The following JAKMIP3 variants were observed in gnomAD, a reference collection of about 807,000 sequenced individuals.
JAKMIP3 encodes the protein Janus kinase and microtubule interacting protein 3.
In JAKMIP3, 58 loss-of-function variants were observed where a neutral mutation model predicts 118.5. The observed-to-expected ratio is 0.49, with a 90% confidence interval of 0.40 to 0.61. The LOEUF (loss-of-function observed/expected upper bound fraction) is 0.61. JAKMIP3 is among the 20% of genes least tolerant of loss of function. JAKMIP3 has a pLI of 0.00. For missense variants in JAKMIP3, 950 were observed against 1,109.0 expected, an observed-to-expected ratio of 0.86 and a Z score of 2.04; for synonymous variants, 486 against 451.2, an observed-to-expected ratio of 1.08 and a Z score of -0.98.
intron 1 of JAKMIP3, among the ~76,000 whole-genome samples, chr10:132,090,818 T>C (rs2042999789): frequency 6.6e-6 from 1 of 152,216 alleles, no homozygotes; most frequent in Admixed American, 6.5e-5. Context: ...TTTAGATCTT[T>C]CCTGCTTTTT....
Position 132,137,021 on chromosome 10 carries a change from A to G in JAKMIP3, c.1119A>G (p.Arg373=). The change falls in exon 7 of 24, where the codon AGA becomes AGG. Residue 373 remains arginine (R), a splice_region_variant and synonymous_variant. Coordinates refer to ENST00000684848, the MANE Select transcript of JAKMIP3 (RefSeq NM_001323087.2). ...KFVTQENIEM[R]QRAGIIRRPS... is the part of the protein sequence containing the mutation. ...ATGTGGGCTGCTTGGCGTTTCAGAG[A>G]CAGAGAGCTGGAATCATACGGAGAC... 1.2e-6 allele frequency: 2 copies of G among 1,613,328 alleles called. No homozygotes were observed. Among genetic ancestry groups the G allele is most frequent in the Non-Finnish European group, 1.7e-6 (2 of 1,179,540 alleles).
At chr10:132,134,086 C>G (rs943949141) in intron 4 of JAKMIP3, among the ~76,000 whole-genome samples, 2 of 152,234 alleles carry the variant, frequency 1.3e-5, no homozygotes, top group African/African-American at 2.4e-5. Context: ...GCCGACCACC[C>G]CGGGCTGAGC....
intron 3 of JAKMIP3, among the ~76,000 whole-genome samples, chr10:132,125,913 A>G (rs550634704): frequency 6.6e-6 from 1 of 152,282 alleles, no homozygotes; most frequent in South Asian, 2.1e-4. Context: ...ATAATGTTGT[A>G]TGTGAACAAA....
intron 23 of JAKMIP3, among the ~76,000 whole-genome samples, chr10:132,171,657 T>TC (rs1565003124): frequency 6.7e-6 from 1 of 149,108 alleles, no homozygotes; most frequent in Non-Finnish European, 1.5e-5. Context: ...TCTTTCTTTT[T>TC]TTTTTTTTTT....
At chr10:132,069,920 A>G (rs1030298156) in intron 1 of JAKMIP3, among the ~76,000 whole-genome samples, 1 of 152,158 alleles carries the variant, frequency 6.6e-6, no homozygotes, top group African/African-American at 2.4e-5. Context: ...GGGAGCACAG[A>G]CGGGGCTCGG....
chr10:132,075,369 A>ATT (rs35437245), intron 1 of JAKMIP3, among the ~76,000 whole-genome samples: 7,424 of 128,790 alleles, frequency 0.058, 276 homozygotes, highest in South Asian at 0.16. Context: ...AAATTTTTCC[A>ATT]TTTTTTTTTT....
intron 1 of JAKMIP3, among the ~76,000 whole-genome samples, chr10:132,093,583 G>A (rs951111815): frequency 1.3e-5 from 2 of 152,204 alleles, no homozygotes; most frequent in African/African-American, 4.8e-5. Flanking sequence ...TAAGACCGTT[G>A]GAAGAGCACA....
At chr10:132,151,820 A>G (rs1368125241) in intron 16 of JAKMIP3, among the ~76,000 whole-genome samples, 2 of 152,170 alleles carry the variant, frequency 1.3e-5, no homozygotes, top group African/African-American at 4.8e-5. Context: ...GCCCAGGGAC[A>G]GAGGAGGTTG....
At chr10:132,087,940 G>A (rs1399232094) in intron 1 of JAKMIP3, among the ~76,000 whole-genome samples, 1 of 151,994 alleles carries the variant, frequency 6.6e-6, no homozygotes, top group Non-Finnish European at 1.5e-5. Flanking sequence ...TCCCACCTAT[G>A]AGTGAGAACA....
At chr10:132,139,250 ATGTG>A (rs1286925183) in intron 9 of JAKMIP3, among the ~76,000 whole-genome samples, 5 of 72,612 alleles carry the variant, frequency 6.9e-5, no homozygotes, top group South Asian at 3.7e-4. Flanking sequence ...CTGTGTGTGT[ATGTG>A]TGTGTGTGTA....
chr10:132,173,535 G>A (rs2059830806), intron 23 of JAKMIP3, among the ~76,000 whole-genome samples: 1 of 152,068 alleles, frequency 6.6e-6, no homozygotes, highest in Non-Finnish European at 1.5e-5. Context: ...CAACTCAGGT[G>A]GGGTCTCTTC....
intron 4 of JAKMIP3, among the ~76,000 whole-genome samples, chr10:132,134,830 C>T (rs2051402721): frequency 6.6e-6 from 1 of 152,248 alleles, no homozygotes. Flanking sequence ...CTCGCTCTGC[C>T]CGTCGGTTCT....
chr10:132,106,798 C>G (rs2045980670), intron 2 of JAKMIP3, among the ~76,000 whole-genome samples: 1 of 152,228 alleles, frequency 6.6e-6, no homozygotes, highest in African/African-American at 2.4e-5. Context: ...CGTCTTCCCT[C>G]TCTGCATTTT....
chr10:132,176,004 G>T (rs2060105347), intron 23 of JAKMIP3, among the ~76,000 whole-genome samples: 1 of 152,226 alleles, frequency 6.6e-6, no homozygotes, highest in African/African-American at 2.4e-5. Flanking sequence ...GCTGAGCTGG[G>T]GGAAGCGCCC....
chr10:132,036,801 G>T (rs1235219196), intron 1 of JAKMIP3, among the ~76,000 whole-genome samples: 1 of 151,588 alleles, frequency 6.6e-6, no homozygotes, highest in Non-Finnish European at 1.5e-5. Context: ...GTCTGGCACG[G>T]TGCGTCCGGG....
At chr10:132,111,299 G>A (rs895781553) in intron 2 of JAKMIP3, among the ~76,000 whole-genome samples, 2 of 152,092 alleles carry the variant, frequency 1.3e-5, no homozygotes, top group African/African-American at 2.4e-5. Context: ...GCCAGCAGAC[G>A]CAGTGAGTAG....
At chr10:132,171,647 TC>T (rs1428792276) in intron 23 of JAKMIP3, among the ~76,000 whole-genome samples, 107 of 131,988 alleles carry the variant, frequency 8.1e-4, no homozygotes, top group African/African-American at 3.1e-3. Flanking sequence ...CTTATTTTTT[TC>T]TTTCTTTTTT....
intron 1 of JAKMIP3, among the ~76,000 whole-genome samples, chr10:132,096,037 G>A (rs184210982): frequency 1.3e-5 from 2 of 152,092 alleles, no homozygotes; most frequent in African/African-American, 2.4e-5. Flanking sequence ...TGTGGTCTTG[G>A]GGGGGTCTTC....
At chr10:132,102,500 C>G (rs2045125707) in intron 1 of JAKMIP3, among the ~76,000 whole-genome samples, 1 of 152,216 alleles carries the variant, frequency 6.6e-6, no homozygotes, top group African/African-American at 2.4e-5. Flanking sequence ...CTGACATCCA[C>G]CCTGCCGGGC....
Sources: gnomAD v4.1 joint callset for allele counts (sites outside exome capture counted in the v4.1 genomes callset) on GRCh38, gnomAD v4.1.1 for gene constraint, MANE v1.5 for transcripts, NCBI Gene and HGNC (gene_info 2026-07-23, HGNC 2026-07-21) for gene names.